The following MMRN2 variants were observed in gnomAD, a reference collection of about 807,000 sequenced individuals.
MMRN2 encodes multimerin-2.
MMRN2 carries 53 observed loss-of-function variants against 68.8 expected under a neutral mutation model. The ratio of observed to expected loss-of-function variants is 0.77; its 90% CI spans 0.62 to 0.97. The LOEUF (loss-of-function observed/expected upper bound fraction) is 0.97, where lower values mean the gene tolerates loss of function less well. Among genes scored for constraint, MMRN2 ranks in the 50% least tolerant of loss-of-function variants. MMRN2 has a pLI of 0.00. For synonymous variants in MMRN2, 564 were observed against 551.6 expected, an observed-to-expected ratio of 1.02 and a Z score of -0.32; for missense variants, 1,266 against 1,259.5, an observed-to-expected ratio of 1.01 and a Z score of -0.08.
rs749296605 is a variant in MMRN2, at chr10:86,936,729, A to T, written c.*14T>A. 1.9e-5 allele frequency: 30 copies of T among 1,612,874 alleles called. No homozygotes were observed. Among genetic ancestry groups the T allele is most frequent in the East Asian group, 1.8e-4 (8 of 44,868 alleles). On this transcript the variant is annotated 3_prime_UTR_variant, in exon 7 of 7. Coordinates refer to ENST00000372027, the MANE Select transcript of MMRN2 (RefSeq NM_024756.3). The stretch of plus-strand genomic sequence containing the variant: ...GGGCGAGTCCATGATGTCTGATCAG[A>T]TTGGGGCTGGGGTTCAGGTCTTAAA...
rs778376517 is a variant in MMRN2 at position 86,945,199 on chromosome 10, C to A, written c.470G>T (p.Ser157Ile). The A allele has an allele frequency of 1.2e-6, 2 of 1,613,772 alleles. No homozygotes were observed. Among genetic ancestry groups the A allele is most frequent in the Admixed American group, 1.7e-5 (1 of 60,030 alleles). Residue 157 changes from serine (S) to isoleucine (I), a missense_variant, in exon 4 of 7, where the codon AGC becomes ATC. Physicochemically the swap from Ser to Ile is moderately radical, Grantham distance 142. Coordinates refer to ENST00000372027, the MANE Select transcript of MMRN2 (RefSeq NM_024756.3). ...SHQEPQDGPV[S>I]FKPGHLAAVI... is the part of the protein sequence containing the mutation. ...GGAAAGCAACACACCAGGTTTGAAG[C>A]TGACTGGTCCATCCTGAGGTTCCTG...
chr10:86,945,569 G>C lies in MMRN2; in HGVS notation c.285C>G (p.Val95=). The change falls in exon 2 of 7, where the codon GTC becomes GTG. Residue 95 remains valine (V), a synonymous_variant. Transcript: ENST00000372027. The part of the protein sequence containing the change: ...CPQGAPDCQK[V]KVMYRMAHKP... ...CACCCTCCCCTACTCACATGACTTT[G>C]ACTTTCTGGCAGTCTGGAGCTCCCT... 1 of 1,597,056 alleles carries C rather than the reference G, an allele frequency of 6.3e-7. No homozygotes were observed. Among genetic ancestry groups the C allele is most frequent in the Non-Finnish European group, 8.5e-7 (1 of 1,171,586 alleles).
Position 86,943,130 on chromosome 10 carries a change from C to T in MMRN2, c.1654G>A (p.Ala552Thr). The T allele has an allele frequency of 6.4e-7, 1 of 1,574,074 alleles. No homozygotes were observed. Among genetic ancestry groups the T allele is most frequent in the Non-Finnish European group, 8.6e-7 (1 of 1,163,928 alleles). Residue 552 changes from alanine to threonine, a missense_variant, in exon 6 of 7, where the codon GCG becomes ACG. Transcript: ENST00000372027. This position sits in a 1 kb window ranked among gnomAD's most constrained non-coding sequence, Gnocchi z 4.2. ...AVSLAVDAHKAEGERARAATS... is the reference protein window; with the variant it reads ...AVSLAVDAHKTEGERARAATS... ...GCCGCCCGCGCCCGCTCGCCCTCCG[C>T]TTTGTGCGCGTCCACGGCCAGCGAC...
chr10:86,936,998 A>G lies in MMRN2; in HGVS notation c.2595T>C (p.Pro865=). ...CTGCAAACAGGTAGACACCACGCTC[A>G]GGGGCTCGGAAGTAGCCATGTTCAG... ...YFPEHGYFRA[P]ERGVYLFAVS... is the part of the protein sequence containing the mutation. The change falls in exon 7 of 7, where the codon CCT becomes CCC. Residue 865 remains proline (P), a synonymous_variant. Coordinates refer to ENST00000372027, the MANE Select transcript of MMRN2 (RefSeq NM_024756.3). 6.2e-7 allele frequency: 1 copy of G among 1,614,190 alleles called. No individual in the cohort carries two copies. The highest frequency in any genetic ancestry group is 8.5e-7 in the Non-Finnish European group (1 of 1,180,008).
chr10:86,948,025 G>C (rs1844092811), intron 1 of MMRN2, among the ~76,000 whole-genome samples: 1 of 152,076 alleles, frequency 6.6e-6, no homozygotes, highest in Non-Finnish European at 1.5e-5. Flanking sequence ...TTGGAGCCCA[G>C]GAGTTTGAGT....
At chr10:86,940,091 C>T (rs183791909) in intron 6 of MMRN2, among the ~76,000 whole-genome samples, 3,045 of 151,046 alleles carry the variant, frequency 0.02, 105 homozygotes, top group African/African-American at 0.071. Context: ...CGGCTCACTG[C>T]AGCCTCTGCC....
At chr10:86,947,017 C>T (rs931920363) in intron 1 of MMRN2, among the ~76,000 whole-genome samples, 15 of 152,130 alleles carry the variant, frequency 9.9e-5, no homozygotes, top group East Asian at 1.9e-4. Context: ...CAGACCTCAG[C>T]GGAGGAGCTG....
chr10:86,954,461 T>TG (rs747000528), intron 1 of MMRN2, among the ~76,000 whole-genome samples: 2 of 151,992 alleles, frequency 1.3e-5, no homozygotes, highest in Non-Finnish European at 2.9e-5. Context: ...TCAGAGCTGG[T>TG]GTGGGGGGAA....
rs1844005969 is a variant in MMRN2 at position 86,943,270 on chromosome 10, C to T, written c.1514G>A (p.Arg505Gln). ...ACGCGTGGCGTCCCTCTGGCCCTCC[C>T]GGATGACGTCCAGGTCTAAATAGAG... ...QKLYLDLDVIREGQRDATRAL... is the reference protein window; with the variant it reads ...QKLYLDLDVIQEGQRDATRAL... Residue 505 changes from arginine (R) to glutamine (Q), a missense_variant, in exon 6 of 7, where the codon CGG becomes CAG. Physicochemically the swap from Arg to Gln is conservative, Grantham distance 43. Coordinates refer to ENST00000372027, the MANE Select transcript of MMRN2 (RefSeq NM_024756.3). This position sits in a 1 kb window ranked among gnomAD's most constrained non-coding sequence, Gnocchi z 4.2. 1.9e-6 allele frequency: 3 copies of T among 1,613,452 alleles called. No individual in the cohort carries two copies. Among genetic ancestry groups the T allele is most frequent in the Non-Finnish European group, 2.5e-6 (3 of 1,179,978 alleles).
chr10:86,936,809 C>T lies in MMRN2; in HGVS notation c.2784G>A (p.Gln928=). 1 of 1,614,194 alleles carries T rather than the reference C, an allele frequency of 6.2e-7. No homozygotes were observed. The highest frequency in any genetic ancestry group is 1.3e-5 in the African/African-American group (1 of 75,046). Residue 928 remains glutamine (Q), a synonymous_variant, in exon 7 of 7, where the codon CAG becomes CAA. Coordinates refer to ENST00000372027, the MANE Select transcript of MMRN2 (RefSeq NM_024756.3). ...ACAGGCTTCTCTTTGTTATTGATCCCTGGGTTAACTCAAACCATACTCGCT... is the reference window on the plus strand; with the variant it reads ...ACAGGCTTCTCTTTGTTATTGATCCTTGGGTTAACTCAAACCATACTCGCT... ...KGERVWFELT[Q]GSITKRSLSG...
At chr10:86,940,903 T>A (rs1286512545) in intron 6 of MMRN2, among the ~76,000 whole-genome samples, 1 of 152,186 alleles carries the variant, frequency 6.6e-6, no homozygotes, top group East Asian at 1.9e-4. Context: ...AGGGAGGGGA[T>A]GGGAAGCTTG....
Position 86,957,402 on chromosome 10 carries a change from T to A in MMRN2, c.140A>T (p.Asp47Val). 1 of 1,613,554 alleles carries A rather than the reference T, an allele frequency of 6.2e-7. No homozygotes were observed. The change falls in exon 1 of 7, where the codon GAC (aspartate) becomes GTC (valine). Residue 47 changes from aspartate (D) to valine (V), a missense_variant. By Grantham distance (152) the Asp-to-Val change is radical (BLOSUM62 -3). Transcript: ENST00000372027. ...CCGTCCTACGGGGTCCTTGCCGGTG[T>A]CCTCAGCCTCTGCCTTCCAGACCCC... Reference protein sequence around the residue: ...TPGVWKAEAEDTGKDPVGRNW... With the variant: ...TPGVWKAEAEVTGKDPVGRNW...
intron 6 of MMRN2, among the ~76,000 whole-genome samples, chr10:86,941,885 C>T (rs2133677245): frequency 6.6e-6 from 1 of 150,694 alleles, no homozygotes; most frequent in East Asian, 1.9e-4. Flanking sequence ...CTAAGTGGGG[C>T]TGCAAGTGGC....
chr10:86,948,170 G>A (rs1470702351), intron 1 of MMRN2, among the ~76,000 whole-genome samples: 1 of 148,170 alleles, frequency 6.7e-6, no homozygotes, highest in Non-Finnish European at 1.5e-5. Context: ...AGGCTGCAGT[G>A]AGCCATGATT....
At chr10:86,939,069 T>C (rs369767366) in intron 6 of MMRN2, among the ~76,000 whole-genome samples, 35 of 143,338 alleles carry the variant, frequency 2.4e-4, no homozygotes, top group African/African-American at 8.1e-4. Context: ...GGCTGAGGCA[T>C]GAGAATCGCT....
In MMRN2 at chr10:86,944,020, A is replaced by C; in HGVS notation, c.764T>G (p.Leu255Arg). 1 of 1,614,102 alleles carries C rather than the reference A, an allele frequency of 6.2e-7. No homozygotes were observed. Among genetic ancestry groups the C allele is most frequent in the Admixed American group, 1.7e-5 (1 of 60,016 alleles). ...AGACAGGTTTCTTATGGCCTGGGTA[A>C]GGCTGTGCAGGCTTTGGTTAAAGCT... ...WRSFNQSLHSLTQAIRNLSLD... is the reference protein window; with the variant it reads ...WRSFNQSLHSRTQAIRNLSLD... The change falls in exon 6 of 7, where the codon CTT (leucine) becomes CGT (arginine). Residue 255 changes from leucine (L) to arginine (R), a missense_variant. Leu to Arg is a moderately radical substitution (Grantham distance 102, BLOSUM62 -2). Transcript: ENST00000372027.
At chr10:86,941,894 G>C (rs1843975984) in intron 6 of MMRN2, among the ~76,000 whole-genome samples, 1 of 151,318 alleles carries the variant, frequency 6.6e-6, no homozygotes, top group African/African-American at 2.4e-5. Flanking sequence ...GCTGCAAGTG[G>C]CCACAGTCCC....
intron 1 of MMRN2, among the ~76,000 whole-genome samples, chr10:86,955,512 A>G (rs1844209571): frequency 6.6e-6 from 1 of 152,168 alleles, no homozygotes; most frequent in South Asian, 2.1e-4. Flanking sequence ...GGGCTCTGGA[A>G]ACAGATGTAA....
intron 3 of MMRN2, 27 bp from the exon 4 acceptor site, chr10:86,945,295 C>T (rs1188626792): frequency 1.1e-5 from 17 of 1,612,738 alleles, no homozygotes; most frequent in Non-Finnish European, 1.4e-5. Flanking sequence ...TAGTTATTGA[C>T]CCCAGTGGTC....
Sources: allele counts gnomAD v4.1 joint callset (sites outside exome capture counted in the v4.1 genomes callset), GRCh38; gene constraint gnomAD v4.1.1; non-coding constraint Gnocchi (gnomAD v3.1); transcripts MANE v1.5; gene names NCBI Gene and HGNC (gene_info 2026-07-23, HGNC 2026-07-21).